Variants in AGBL1 observed in about 807,000 individuals in gnomAD.
AGBL1 encodes cytosolic carboxypeptidase 4.
Under a neutral mutation model 118.9 loss-of-function variants are expected in AGBL1, and 130 were observed. The observed-to-expected ratio is 1.09, with a 90% CI of 0.95 to 1.26. The LOEUF (loss-of-function observed/expected upper bound fraction) is 1.26. AGBL1 is among the 50% of genes most tolerant of loss of function. AGBL1 has a pLI of 0.00. For synonymous variants in AGBL1, 555 were observed against 478.9 expected (o/e 1.16, Z -2.08); for missense variants, 1,584 against 1,298.1 (o/e 1.22, Z -3.38).
At chr15:86,544,010 T>C (rs1361459331) in intron 19 of AGBL1, among the ~76,000 whole-genome samples, 3 of 152,186 alleles carry the variant, frequency 2.0e-5, no homozygotes, top group South Asian at 2.1e-4. Context: ...GCTCTTTAAG[T>C]GTATTTTCCT....
At chr15:86,489,813 C>G (rs538213672) in intron 18 of AGBL1, among the ~76,000 whole-genome samples, 1 of 152,212 alleles carries the variant, frequency 6.6e-6, no homozygotes, top group South Asian at 2.1e-4. Flanking sequence ...ATTCGTTCAG[C>G]AGGGGGCACA....
At chr15:86,724,185 G>A (rs183010663) in intron 22 of AGBL1, among the ~76,000 whole-genome samples, 27 of 130,330 alleles carry the variant, frequency 2.1e-4, no homozygotes, top group African/African-American at 7.1e-4. Context: ...GCAGTGAGCT[G>A]CGATAGCGCC....
Position 86,933,862 on chromosome 15 carries a change from A to G in AGBL1, c.3222-54125A>G, listed in dbSNP as rs1211020744. Among the ~76,000 whole-genome samples, 4 of 152,340 alleles carry G rather than the reference A, an allele frequency of 2.6e-5. No individual in the cohort carries two copies. The East Asian group carries it at 5.8e-4, about 22-fold the overall frequency. The stretch of plus-strand genomic sequence containing the variant: ...GAGGAATTGCCACTTTGGGAAAAAC[A>G]ACTCTAGTTTGGATGTCAGGAGATC... On this transcript the variant is annotated intron_variant, in intron 23 of 24. Coordinates refer to the AGBL1 transcript ENST00000441037.
intron 21 of AGBL1, among the ~76,000 whole-genome samples, chr15:86,644,924 G>A (rs917609790): frequency 2.0e-5 from 3 of 151,932 alleles, no homozygotes; most frequent in African/African-American, 7.3e-5. Flanking sequence ...GGGAGGCTGA[G>A]GCAGGAGAAT....
intron 21 of AGBL1, among the ~76,000 whole-genome samples, chr15:86,574,713 G>A (rs538489191): frequency 1.3e-5 from 2 of 151,216 alleles, no homozygotes; most frequent in South Asian, 4.2e-4. Flanking sequence ...GAGTACCTGG[G>A]ACTACAGGCA....
At chr15:86,204,582 A>G (rs942131150) in intron 5 of AGBL1, among the ~76,000 whole-genome samples, 1 of 131,156 alleles carries the variant, frequency 7.6e-6, no homozygotes, top group South Asian at 2.4e-4. Context: ...TTGTTCATTC[A>G]TTGGTTCGTT....
In AGBL1 at chr15:86,852,519, C is replaced by T. The variant is rs193232273; in HGVS notation, c.3159-54568C>T. 1.6e-3 allele frequency among the ~76,000 whole-genome samples: 244 copies of T among 152,266 alleles called. 1 individual carries two copies. Among genetic ancestry groups the T allele is most frequent in the African/African-American group, 5.6e-3 (234 of 41,542 alleles). ...ACTCTATTCTGATCCACCTGCAAGC[C>T]CCCAGACACTATATAGATTATGTGA... On this transcript the variant is annotated intron_variant, in intron 22 of 22. Coordinates refer to ENST00000614907, the MANE Select transcript of AGBL1 (RefSeq NM_001386094.1).
chr15:86,174,112 C>A (rs558685316), intron 5 of AGBL1, among the ~76,000 whole-genome samples: 1 of 152,040 alleles, frequency 6.6e-6, no homozygotes, highest in Non-Finnish European at 1.5e-5. Flanking sequence ...TTGTTTGTGT[C>A]CTTTTCAATT....
At chr15:86,556,683 T>C (rs904613531) in intron 21 of AGBL1, among the ~76,000 whole-genome samples, 5 of 152,218 alleles carry the variant, frequency 3.3e-5, no homozygotes, top group Non-Finnish European at 7.3e-5. Flanking sequence ...CCTGAACATA[T>C]TGCAAATGCT....
intron 21 of AGBL1, among the ~76,000 whole-genome samples, chr15:86,569,803 C>T (rs1159083015): frequency 6.6e-6 from 1 of 152,122 alleles, no homozygotes; most frequent in African/African-American, 2.4e-5. Flanking sequence ...ATTTAAACGC[C>T]CATCGTAGAA....
chr15:86,539,845 T>C (rs1036063830), intron 19 of AGBL1, among the ~76,000 whole-genome samples: 3 of 152,204 alleles, frequency 2.0e-5, no homozygotes, highest in Admixed American at 6.5e-5. Context: ...ACTGTTCTTA[T>C]TGGGTTCCCA....
chr15:86,269,745 C>T (rs941926419), intron 13 of AGBL1, among the ~76,000 whole-genome samples, 174 bp from the exon 14 acceptor site: 2 of 152,172 alleles, frequency 1.3e-5, no homozygotes, highest in South Asian at 2.1e-4. Context: ...CCATGAATTT[C>T]CAAAATCTGT....
intron 22 of AGBL1, among the ~76,000 whole-genome samples, chr15:86,882,653 T>C (rs1391825230): frequency 1.3e-5 from 2 of 152,208 alleles, no homozygotes; most frequent in Non-Finnish European, 2.9e-5. Flanking sequence ...TACTAAGTTC[T>C]CCATGGAGTT....
chr15:86,719,383 C>CTA (rs1251057779), intron 22 of AGBL1, among the ~76,000 whole-genome samples: 6 of 152,016 alleles, frequency 3.9e-5, no homozygotes, highest in Non-Finnish European at 5.9e-5. Flanking sequence ...GGCATGTGAG[C>CTA]TAAAGATGGG....
At chr15:86,861,852 C>T (rs2079563340) in intron 22 of AGBL1, among the ~76,000 whole-genome samples, 1 of 152,172 alleles carries the variant, frequency 6.6e-6, no homozygotes, top group Non-Finnish European at 1.5e-5. Flanking sequence ...GTCAAACCAA[C>T]TATATGTCAT....
rs370226666 is a variant in AGBL1, at chr15:86,175,134, T to C, written c.488+16108T>C. Among the ~76,000 whole-genome samples the C allele has an allele frequency of 5.3e-5, 8 of 152,168 alleles. No individual in the cohort carries two copies. The East Asian group carries it at 1.5e-3, about 29-fold the overall frequency. Reference sequence around the variant, plus strand: ...ATTCATCAGTAAAGTCATCTGGTCCTGAGTTTTTGTTCTTGTTGTTGTTGT... The same window carrying C: ...ATTCATCAGTAAAGTCATCTGGTCCCGAGTTTTTGTTCTTGTTGTTGTTGT... On this transcript the variant is annotated intron_variant, in intron 5 of 22. Coordinates refer to ENST00000614907, the MANE Select transcript of AGBL1 (RefSeq NM_001386094.1).
chr15:86,208,723 A>C (rs1231169660), intron 5 of AGBL1, among the ~76,000 whole-genome samples: 3 of 151,952 alleles, frequency 2.0e-5, no homozygotes, highest in Non-Finnish European at 4.4e-5. Flanking sequence ...CTTCTTTATT[A>C]GTCTTGCTAG....
chr15:86,520,729 A>G lies in AGBL1; in HGVS notation c.2556-2081A>G, dbSNP rs148926373. 6.2e-3 allele frequency among the ~76,000 whole-genome samples: 949 copies of G among 152,324 alleles called. 7 individuals carry two copies. The highest frequency in any genetic ancestry group is 0.022 in the African/African-American group (907 of 41,582). ...CAGTCAGTGTTACAAAGGAAAAAAC[A>G]AATCCCCAGTGTTGATGAGAATCCA... On this transcript the variant is annotated intron_variant, in intron 18 of 22. Transcript: ENST00000614907.
chr15:86,419,566 T>G (rs1394965776), intron 18 of AGBL1, among the ~76,000 whole-genome samples: 1 of 149,340 alleles, frequency 6.7e-6, no homozygotes, highest in African/African-American at 2.5e-5. Flanking sequence ...CTGCAGGAGT[T>G]TTTTTTTTTT....
Sources: allele counts gnomAD v4.1 joint callset (sites outside exome capture counted in the v4.1 genomes callset), GRCh38; gene constraint gnomAD v4.1.1; transcripts MANE v1.5; gene names NCBI Gene and HGNC (gene_info 2026-07-23, HGNC 2026-07-21).